The following CADPS variants were observed in gnomAD, a reference collection of about 807,000 sequenced individuals.
CADPS encodes the protein calcium-dependent secretion activator 1.
In CADPS, 57 loss-of-function variants were observed where a neutral mutation model predicts 167.3. The ratio of observed to expected loss-of-function variants is 0.34; its 90% CI spans 0.28 to 0.42. The LOEUF (loss-of-function observed/expected upper bound fraction) is 0.42, where lower values mean the gene tolerates loss of function less well. CADPS is among the 20% of genes least tolerant of loss of function. The pLI is 1.00. For missense variants in CADPS, 1,414 were observed against 1,738.1 expected (o/e 0.81, Z 3.32); for synonymous variants, 676 against 635.3 (o/e 1.06, Z -0.96).
At chr3:62,813,901 A>G (rs931306425) in intron 1 of CADPS, among the ~76,000 whole-genome samples, 1 of 152,134 alleles carries the variant, frequency 6.6e-6, no homozygotes, top group African/African-American at 2.4e-5. Flanking sequence ...TGTTTCCAAC[A>G]CAGAGTAGAA....
At chr3:62,668,076 A>T (rs963784340) in intron 3 of CADPS, among the ~76,000 whole-genome samples, 2 of 152,022 alleles carry the variant, frequency 1.3e-5, no homozygotes, top group Admixed American at 6.6e-5. Flanking sequence ...TCAACCCTAG[A>T]CTCTTCCAAA....
intron 1 of CADPS, among the ~76,000 whole-genome samples, chr3:62,846,470 T>C (rs1354432209): frequency 6.6e-6 from 1 of 152,230 alleles, no homozygotes; most frequent in South Asian, 2.1e-4. Flanking sequence ...TCCTTCTTCA[T>C]GTGTTACTTG....
At chr3:62,564,258 C>T (rs1022131766) in intron 9 of CADPS, among the ~76,000 whole-genome samples, 18 of 152,242 alleles carry the variant, frequency 1.2e-4, no homozygotes, top group African/African-American at 3.9e-4. Flanking sequence ...GCCTCAGCCT[C>T]CCAAACTGCT....
chr3:62,787,778 T>A (rs1450811433), intron 1 of CADPS, among the ~76,000 whole-genome samples: 3 of 152,300 alleles, frequency 2.0e-5, no homozygotes, highest in African/African-American at 7.2e-5. Flanking sequence ...GTAAGACAAG[T>A]ATACTAATAG....
intron 3 of CADPS, among the ~76,000 whole-genome samples, chr3:62,702,171 A>C (rs534497073): frequency 6.6e-6 from 1 of 152,254 alleles, no homozygotes; most frequent in Non-Finnish European, 1.5e-5. Flanking sequence ...GAAAGTCACA[A>C]ACCTCTTCCA....
chr3:62,474,703 AAAAC>A (rs1412811533), intron 23 of CADPS, among the ~76,000 whole-genome samples: 3 of 152,250 alleles, frequency 2.0e-5, no homozygotes, highest in Non-Finnish European at 2.9e-5. Flanking sequence ...TTAATAAAAC[AAAAC>A]AAACAAAAAC....
intron 1 of CADPS, among the ~76,000 whole-genome samples, chr3:62,797,951 T>A (rs2093540863): frequency 6.6e-6 from 1 of 152,230 alleles, no homozygotes; most frequent in East Asian, 1.9e-4. Context: ...CAAAACTTAA[T>A]GTTTGACATT....
chr3:62,486,860 T>C (rs1047930950), intron 21 of CADPS, among the ~76,000 whole-genome samples: 26 of 152,218 alleles, frequency 1.7e-4, no homozygotes, highest in African/African-American at 5.8e-4. Context: ...TGCAGTCATA[T>C]TTATACATGC....
chr3:62,663,115 TGAAAG>T (rs1331919978), intron 3 of CADPS, among the ~76,000 whole-genome samples: 2 of 152,202 alleles, frequency 1.3e-5, no homozygotes, highest in African/African-American at 4.8e-5. Flanking sequence ...TGTGACTCTT[TGAAAG>T]GAGTAGCAGA....
chr3:62,475,613 C>T (rs74454860), intron 23 of CADPS, among the ~76,000 whole-genome samples: 2 of 46,700 alleles, frequency 4.3e-5, no homozygotes, highest in South Asian at 7.9e-4. Flanking sequence ...AAAAAAAAAA[C>T]ACCTAAAAAT....
intron 21 of CADPS, among the ~76,000 whole-genome samples, chr3:62,490,158 T>C (rs558352027): frequency 3.3e-5 from 5 of 152,236 alleles, no homozygotes; most frequent in Admixed American, 3.3e-4. Flanking sequence ...AGGCTGCAAG[T>C]CAAGGCTTCC....
rs2059932353 is a variant in CADPS, at chr3:62,466,332, AG to A, written c.3552+6del. 1.3e-6 allele frequency: 2 copies of A among 1,591,898 alleles called. No individual in the cohort carries two copies. The highest frequency in any genetic ancestry group is 2.2e-5 in the South Asian group (2 of 90,516). The stretch of plus-strand genomic sequence containing the variant: ...AATGAAACATTTCACCTGAAGCTGG[AG>A]GTTACCTTTGCAACCAAGAGTGTTA... On this transcript the variant is annotated splice_donor_region_variant and intron_variant, in intron 25 of 29. Coordinates refer to ENST00000383710, the MANE Select transcript of CADPS (RefSeq NM_003716.4).
chr3:62,563,255 A>G lies in CADPS; in HGVS notation c.1645-5742T>C, dbSNP rs1224566686. On this transcript the variant is annotated intron_variant, in intron 9 of 29. Transcript: ENST00000383710. Reference sequence around the variant, plus strand: ...ATAGAGCAATTGTGGAGTGGCAAAAACAAACATTTGGAGTTACAAATCCTT... The same window carrying G: ...ATAGAGCAATTGTGGAGTGGCAAAAGCAAACATTTGGAGTTACAAATCCTT... Among the ~76,000 whole-genome samples the G allele has an allele frequency of 2.6e-5, 4 of 152,340 alleles. No individual in the cohort carries two copies. In the East Asian group the frequency reaches 7.7e-4, roughly 29 times the overall value.
intron 26 of CADPS, among the ~76,000 whole-genome samples, 199 bp from the exon 27 acceptor site, chr3:62,445,996 C>A (rs2057162984): frequency 6.6e-6 from 1 of 152,196 alleles, no homozygotes; most frequent in Admixed American, 6.5e-5. Flanking sequence ...AGAGAGAATG[C>A]ACACGCAAAT....
intron 13 of CADPS, among the ~76,000 whole-genome samples, chr3:62,528,036 C>T (rs1434227408): frequency 7.2e-5 from 11 of 152,160 alleles, no homozygotes. Flanking sequence ...TCTGGTTTTC[C>T]CCACAAAGCT....
intron 10 of CADPS, among the ~76,000 whole-genome samples, chr3:62,554,290 C>G (rs1310754661): frequency 6.6e-6 from 1 of 152,172 alleles, no homozygotes; most frequent in Non-Finnish European, 1.5e-5. Context: ...TTTGCCAGTT[C>G]ACCAAATGAA....
intron 9 of CADPS, among the ~76,000 whole-genome samples, chr3:62,567,245 T>C (rs2080384686): frequency 6.6e-6 from 1 of 152,112 alleles, no homozygotes; most frequent in African/African-American, 2.4e-5. Flanking sequence ...TTCTCAGAAA[T>C]CTGAGAATGG....
At chr3:62,580,496 T>A (rs1425771276) in intron 8 of CADPS, among the ~76,000 whole-genome samples, 1 of 151,086 alleles carries the variant, frequency 6.6e-6, no homozygotes, top group East Asian at 2.0e-4. Flanking sequence ...AAATGACGAG[T>A]TAATGGTGCA....
chr3:62,726,006 G>A (rs1016723130), intron 3 of CADPS, among the ~76,000 whole-genome samples: 2 of 151,896 alleles, frequency 1.3e-5, no homozygotes, highest in South Asian at 2.1e-4. Context: ...GTGGCAAACC[G>A]CCTGCTCCCT....
Sources: allele counts gnomAD v4.1 joint callset (sites outside exome capture counted in the v4.1 genomes callset), GRCh38; gene constraint gnomAD v4.1.1; transcripts MANE v1.5; gene names NCBI Gene and HGNC (gene_info 2026-07-23, HGNC 2026-07-21).